The following SBF2 variants were observed in gnomAD, a reference collection of about 807,000 sequenced individuals.
The protein encoded by SBF2 is myotubularin-related protein 13.
In SBF2, 112 loss-of-function variants were observed where a neutral mutation model predicts 225.2. That is an observed-to-expected ratio of 0.50 (90% CI 0.43 to 0.58). The LOEUF (loss-of-function observed/expected upper bound fraction) is 0.58, where lower values mean the gene tolerates loss of function less well. Among genes scored for constraint, SBF2 ranks in the 20% least tolerant of loss-of-function variants. The probability of loss-of-function intolerance (pLI) is 0.00; values close to 1 mark genes in which losing one functional copy is unlikely to be tolerated. For missense variants in SBF2, 1,996 were observed against 2,206.2 expected (o/e 0.90, Z 1.91); for synonymous variants, 763 against 773.3 (o/e 0.99, Z 0.22).
chr11:10,183,367 G>A (rs543175740), intron 2 of SBF2, among the ~76,000 whole-genome samples: 1 of 152,078 alleles, frequency 6.6e-6, no homozygotes, highest in Non-Finnish European at 1.5e-5. Context: ...TAAAAAAAAT[G>A]GGGCTTATTG....
intron 1 of SBF2, among the ~76,000 whole-genome samples, chr11:10,236,644 G>C (rs1591282233): frequency 6.6e-6 from 1 of 152,222 alleles, no homozygotes; most frequent in East Asian, 1.9e-4. Flanking sequence ...ATTTTTACTA[G>C]AGATGGGATT....
chr11:9,983,779 C>T (rs1006751945), intron 13 of SBF2, among the ~76,000 whole-genome samples: 1 of 152,180 alleles, frequency 6.6e-6, no homozygotes, highest in Non-Finnish European at 1.5e-5. Flanking sequence ...TCCTCAGTAC[C>T]AGCCTGGAGC....
chr11:10,294,840 C>A (rs912951633), upstream of SBF2, among the ~76,000 whole-genome samples: 20 of 152,218 alleles, frequency 1.3e-4, no homozygotes, highest in African/African-American at 4.3e-4. Context: ...GGGATCCTCC[C>A]GAACTGGGCT....
chr11:9,944,756 C>T (rs763701489), intron 16 of SBF2, among the ~76,000 whole-genome samples: 4 of 152,146 alleles, frequency 2.6e-5, no homozygotes, highest in East Asian at 1.9e-4. Context: ...AGGTTCAATG[C>T]TATTCCTATC....
chr11:10,250,732 T>C (rs766789179), intron 1 of SBF2, among the ~76,000 whole-genome samples: 60 of 152,180 alleles, frequency 3.9e-4, no homozygotes, highest in Non-Finnish European at 7.5e-4. Context: ...CTTCACAATA[T>C]AGAACTTGAA....
intron 2 of SBF2, among the ~76,000 whole-genome samples, chr11:10,057,073 C>T (rs1950281413): frequency 6.6e-6 from 1 of 152,160 alleles, no homozygotes; most frequent in South Asian, 2.1e-4. Context: ...GAAACACGCT[C>T]CCATCTTTGC....
chr11:10,173,754 T>G (rs1292912255), intron 2 of SBF2, among the ~76,000 whole-genome samples: 11 of 149,738 alleles, frequency 7.3e-5, no homozygotes, highest in African/African-American at 2.7e-4. Context: ...CAGACTTCAA[T>G]GTCCCTGTCT....
intron 26 of SBF2, among the ~76,000 whole-genome samples, chr11:9,834,507 T>C (rs1855617073): frequency 6.6e-6 from 1 of 152,238 alleles, no homozygotes; most frequent in Non-Finnish European, 1.5e-5. Flanking sequence ...AAAGGAAATC[T>C]AGTTTATGGT....
At chr11:10,234,510 C>T (rs1958983509) in intron 1 of SBF2, among the ~76,000 whole-genome samples, 1 of 151,958 alleles carries the variant, frequency 6.6e-6, no homozygotes, top group Non-Finnish European at 1.5e-5. Context: ...CCAATTTGTA[C>T]CTTTTCCTAA....
intron 2 of SBF2, among the ~76,000 whole-genome samples, chr11:10,107,478 G>A (rs1050217140): frequency 6.6e-6 from 1 of 151,966 alleles, no homozygotes; most frequent in African/African-American, 2.4e-5. Context: ...TAGTTTCACA[G>A]GGCTGCTGTG....
chr11:9,968,612 A>G, intron 13 of SBF2, 67 bp from the exon 14 acceptor site: 2 of 1,304,568 alleles, frequency 1.5e-6, no homozygotes, highest in Non-Finnish European at 1.1e-6. Context: ...CCAGGAAGGG[A>G]GTGGGAGCTT....
intron 9 of SBF2, among the ~76,000 whole-genome samples, chr11:9,995,810 C>T (rs368878554): frequency 1.1e-3 from 138 of 127,978 alleles, no homozygotes; most frequent in Middle Eastern, 8.1e-3. Flanking sequence ...CCACCACACC[C>T]GGCTAATTTT....
At chr11:10,035,049 C>T (rs990528368) in intron 3 of SBF2, among the ~76,000 whole-genome samples, 1 of 152,156 alleles carries the variant, frequency 6.6e-6, no homozygotes. Flanking sequence ...GCTGCAAGCT[C>T]CACCTCCTGG....
chr11:9,845,208 A>C (rs2133968371), intron 24 of SBF2, among the ~76,000 whole-genome samples: 1 of 152,336 alleles, frequency 6.6e-6, no homozygotes, highest in Admixed American at 6.5e-5. Flanking sequence ...CTGTTTCTAG[A>C]TAAAAGCAAA....
chr11:9,886,017 G>A (rs1860267486), intron 17 of SBF2, among the ~76,000 whole-genome samples: 1 of 152,130 alleles, frequency 6.6e-6, no homozygotes, highest in Non-Finnish European at 1.5e-5. Context: ...CAAACACATG[G>A]TCCCTTTACC....
chr11:10,015,226 G>A (rs1157244678), intron 6 of SBF2, among the ~76,000 whole-genome samples: 3 of 152,128 alleles, frequency 2.0e-5, no homozygotes, highest in Admixed American at 6.5e-5. Context: ...TATTGTTATA[G>A]GAAGGTGGGT....
At position 9,846,940 on chromosome 11, in the gene SBF2, C is replaced by T. The variant is rs777052055; in HGVS notation, c.2934+16G>A. 2.1e-5 allele frequency: 34 copies of T among 1,613,346 alleles called. No individual in the cohort carries two copies. The highest frequency in any genetic ancestry group is 2.7e-5 in the Non-Finnish European group (32 of 1,179,490). Reference sequence around the variant, plus strand: ...AAATTTTTGAATAGTAAAACAATGGCTTCCTTTTTTAATACCTGAAAAGAT... The same window carrying T: ...AAATTTTTGAATAGTAAAACAATGGTTTCCTTTTTTAATACCTGAAAAGAT... On this transcript the variant is annotated intron_variant, in intron 23 of 39. Coordinates refer to ENST00000256190, the MANE Select transcript of SBF2 (RefSeq NM_030962.4).
chr11:10,221,420 G>C (rs1425082385), intron 1 of SBF2, among the ~76,000 whole-genome samples: 1 of 152,094 alleles, frequency 6.6e-6, no homozygotes, highest in Non-Finnish European at 1.5e-5. Flanking sequence ...GCCCAGCCAA[G>C]ACTGTTACTT....
intron 2 of SBF2, among the ~76,000 whole-genome samples, chr11:10,072,934 T>A (rs2134819519): frequency 6.6e-6 from 1 of 151,910 alleles, no homozygotes; most frequent in South Asian, 2.1e-4. Flanking sequence ...ATCATCATTA[T>A]TTTTGGTAAA....
Sources: gnomAD v4.1 joint callset for allele counts (sites outside exome capture counted in the v4.1 genomes callset) on GRCh38, gnomAD v4.1.1 for gene constraint, MANE v1.5 for transcripts, NCBI Gene and HGNC (gene_info 2026-07-23, HGNC 2026-07-21) for gene names.